ARHGAP10: variants seen among roughly 807,000 people sequenced by gnomAD.
ARHGAP10 encodes the protein rho GTPase-activating protein 10.
In ARHGAP10, 87 loss-of-function variants were observed where a neutral mutation model predicts 108.6. That is an observed-to-expected ratio of 0.80 (90% CI 0.67 to 0.96). The LOEUF is 0.96. Among genes scored for constraint, ARHGAP10 ranks in the 40% least tolerant of loss-of-function variants. The pLI is 0.00. For missense variants in ARHGAP10, 939 were observed against 954.5 expected (o/e 0.98, Z 0.21); for synonymous variants, 347 against 341.1 (o/e 1.02, Z -0.19).
chr4:147,833,583 T>C (rs1242635782), intron 3 of ARHGAP10, among the ~76,000 whole-genome samples: 2 of 152,226 alleles, frequency 1.3e-5, no homozygotes, highest in African/African-American at 2.4e-5. Context: ...TCAGAGGAGT[T>C]GGACTTTGAA....
intron 13 of ARHGAP10, among the ~76,000 whole-genome samples, chr4:147,928,142 G>A (rs772952843): frequency 1.2e-4 from 19 of 152,184 alleles, no homozygotes; most frequent in Non-Finnish European, 2.4e-4. Flanking sequence ...TCTACCTTTC[G>A]TATTTGAGAC....
chr4:147,936,618 C>T (rs1737957388), intron 13 of ARHGAP10, among the ~76,000 whole-genome samples: 1 of 152,010 alleles, frequency 6.6e-6, no homozygotes, highest in African/African-American at 2.4e-5. Context: ...CGTGAGCCAC[C>T]GCGCCCGGCC....
At chr4:148,066,558 G>A (rs182430150) in intron 22 of ARHGAP10, among the ~76,000 whole-genome samples, 5 of 152,306 alleles carry the variant, frequency 3.3e-5, no homozygotes, top group Admixed American at 1.3e-4. Context: ...GTGTACACAC[G>A]TACACATACA....
At position 147,857,640 on chromosome 4, in the gene ARHGAP10, T is replaced by C; in HGVS notation, c.472T>C (p.Ser158Pro). Residue 158 changes from serine (S) to proline (P), a missense_variant, in exon 5 of 23, where the codon TCA becomes CCA. Physicochemically the swap from Ser to Pro is moderately conservative, Grantham distance 74. Transcript: ENST00000336498. The part of the protein sequence containing the change: ...HLNLSAKKKD[S>P]HLQEADIQVE... ...GAATTTATCAGCAAAAAAGAAAGAC[T>C]CACATTTACAAGAGGTATAATTTTT... The C allele has an allele frequency of 6.7e-7, 1 of 1,490,426 alleles. No individual in the cohort carries two copies. Among genetic ancestry groups the C allele is most frequent in the Non-Finnish European group, 8.9e-7 (1 of 1,121,488 alleles). The allele number at this position is 1,490,426 out of a possible 1,614,324, so 92.3% of individuals were successfully genotyped here. A position where few individuals can be genotyped will look rare whatever the true frequency, so the allele number is the denominator to read the frequency against.
At chr4:147,929,273 T>C (rs570752941) in intron 13 of ARHGAP10, among the ~76,000 whole-genome samples, 19 of 152,212 alleles carry the variant, frequency 1.2e-4, no homozygotes, top group Non-Finnish European at 2.6e-4. Flanking sequence ...AATGCATTCT[T>C]TTCCCAAAGC....
intron 19 of ARHGAP10, among the ~76,000 whole-genome samples, chr4:148,032,035 A>C (rs1311445772): frequency 6.6e-6 from 1 of 152,174 alleles, no homozygotes; most frequent in African/African-American, 2.4e-5. Flanking sequence ...CACAATTTGG[A>C]ATTTGATGCT....
chr4:148,065,344 G>T (rs1448400703), intron 22 of ARHGAP10: 1 of 152,236 alleles, frequency 6.6e-6, no homozygotes, highest in Non-Finnish European at 1.5e-5. Context: ...TGTACTGTCA[G>T]TAATGCAGCA....
intron 1 of ARHGAP10, among the ~76,000 whole-genome samples, chr4:147,759,554 C>T (rs1729510541): frequency 6.6e-6 from 1 of 150,486 alleles, no homozygotes; most frequent in Non-Finnish European, 1.5e-5. Flanking sequence ...CACCACACTC[C>T]TGCCTGGGTA....
intron 1 of ARHGAP10, among the ~76,000 whole-genome samples, chr4:147,750,198 G>A (rs1242895616): frequency 6.6e-6 from 1 of 152,188 alleles, no homozygotes; most frequent in Non-Finnish European, 1.5e-5. Context: ...AATGTATGCA[G>A]TGAGAACAAA....
Position 147,769,890 on chromosome 4 carries a change from A to C in ARHGAP10, c.154+37435A>C, listed in dbSNP as rs7673606. Among the ~76,000 whole-genome samples, 4 of 152,090 alleles carry C rather than the reference A, an allele frequency of 2.6e-5. 1 individual carries two copies. The highest frequency in any genetic ancestry group is 9.7e-5 in the African/African-American group (4 of 41,370). On this transcript the variant is annotated intron_variant, in intron 1 of 22. Transcript: ENST00000336498. ...AAGAGAGGAGCCTGAAGGGACTGCC[A>C]CTTTTCTCTAGCAGTGGAATAAGGA...
intron 1 of ARHGAP10, among the ~76,000 whole-genome samples, chr4:147,778,630 G>T (rs921266554): frequency 6.6e-6 from 1 of 152,164 alleles, no homozygotes; most frequent in Non-Finnish European, 1.5e-5. Flanking sequence ...GCTCATAGGG[G>T]TGTTGCTAAT....
intron 16 of ARHGAP10, among the ~76,000 whole-genome samples, chr4:147,957,952 G>A (rs532851772): frequency 6.6e-6 from 1 of 152,292 alleles, no homozygotes; most frequent in East Asian, 1.9e-4. Flanking sequence ...AATTAAGAGA[G>A]TTAATGTAAC....
intron 4 of ARHGAP10, among the ~76,000 whole-genome samples, chr4:147,851,383 T>G (rs539315093): frequency 4.6e-5 from 7 of 152,290 alleles, no homozygotes; most frequent in South Asian, 2.1e-4. Flanking sequence ...TGGCTAATTT[T>G]AAAATTATTT....
At chr4:147,915,841 C>T (rs1227951914) in intron 13 of ARHGAP10, among the ~76,000 whole-genome samples, 1 of 152,166 alleles carries the variant, frequency 6.6e-6, no homozygotes, top group Non-Finnish European at 1.5e-5. Flanking sequence ...CACTGGCTCA[C>T]ACCTATAATC....
At chr4:147,900,921 G>C (rs1037832386) in intron 10 of ARHGAP10, among the ~76,000 whole-genome samples, 7 of 152,138 alleles carry the variant, frequency 4.6e-5, no homozygotes, top group Non-Finnish European at 8.8e-5. Context: ...TCCTGCCTCA[G>C]CTTCCCAAAG....
At chr4:147,911,647 C>T (rs1219732990) in intron 12 of ARHGAP10, among the ~76,000 whole-genome samples, 3 of 149,572 alleles carry the variant, frequency 2.0e-5, no homozygotes, top group East Asian at 2.0e-4. Context: ...CAGGCGTGAG[C>T]CACCGCGCCT....
intron 3 of ARHGAP10, among the ~76,000 whole-genome samples, chr4:147,836,121 C>T (rs1163683912): frequency 1.3e-5 from 2 of 152,138 alleles, no homozygotes; most frequent in Non-Finnish European, 2.9e-5. Context: ...CAGTTAATGT[C>T]CTTCAGAATG....
chr4:147,937,159 T>C (rs968316747), intron 13 of ARHGAP10, among the ~76,000 whole-genome samples: 6 of 152,120 alleles, frequency 3.9e-5, no homozygotes, highest in Non-Finnish European at 8.8e-5. Flanking sequence ...GAATAAACAA[T>C]AGAAATCAAT....
intron 13 of ARHGAP10, among the ~76,000 whole-genome samples, chr4:147,930,839 C>T (rs1578702334): frequency 6.6e-6 from 1 of 152,316 alleles, no homozygotes; most frequent in South Asian, 2.1e-4. Context: ...CTCTTGTTTA[C>T]CTGCATTTAT....
Sources: gnomAD v4.1 joint callset for allele counts (sites outside exome capture counted in the v4.1 genomes callset) on GRCh38, gnomAD v4.1.1 for gene constraint, MANE v1.5 for transcripts, NCBI Gene and HGNC (gene_info 2026-07-23, HGNC 2026-07-21) for gene names.